FAF1: variants seen among roughly 807,000 people sequenced by gnomAD.
The protein encoded by FAF1 is FAS-associated factor 1.
A neutral mutation model predicts 92.5 loss-of-function variants in FAF1; 25 were observed. The observed-to-expected ratio is 0.27, with a 90% CI of 0.20 to 0.38. The LOEUF is 0.38. Among genes scored for constraint, FAF1 ranks in the 10% least tolerant of loss-of-function variants. The pLI is 1.00. For synonymous variants in FAF1, 234 were observed against 273.2 expected (o/e 0.86, Z 1.42); for missense variants, 636 against 793.3 (o/e 0.80, Z 2.38).
intron 1 of FAF1, among the ~76,000 whole-genome samples, chr1:50,873,865 C>T (rs768965186): frequency 7.2e-5 from 11 of 152,126 alleles, no homozygotes; most frequent in Non-Finnish European, 1.0e-4. Flanking sequence ...AAGAAACCTC[C>T]CAGGCTAAGC....
chr1:50,895,760 ACAT>A (rs1644752998), intron 1 of FAF1, among the ~76,000 whole-genome samples: 1 of 152,174 alleles, frequency 6.6e-6, no homozygotes, highest in Non-Finnish European at 1.5e-5. Context: ...TCTATGTGAC[ACAT>A]CATATCGACA....
At position 50,443,705 on chromosome 1, in the gene FAF1, T is replaced by C. The variant is rs148205917; in HGVS notation, c.1870-2182A>G. 8.8e-3 allele frequency among the ~76,000 whole-genome samples: 1,344 copies of C among 152,284 alleles called. 6 individuals carry two copies. The highest frequency in any genetic ancestry group is 0.014 in the Non-Finnish European group (923 of 68,020). On this transcript the variant is annotated intron_variant, in intron 18 of 18. Transcript: ENST00000396153. Reference sequence around the variant, plus strand: ...TCTCCTTCATAGGTTGTTGTGATTATAGTTAAATGGAATAATGTTGGTGCA... The same window carrying C: ...TCTCCTTCATAGGTTGTTGTGATTACAGTTAAATGGAATAATGTTGGTGCA...
At chr1:50,863,150 A>C (rs1212417084) in intron 1 of FAF1, among the ~76,000 whole-genome samples, 1 of 152,022 alleles carries the variant, frequency 6.6e-6, no homozygotes, top group Non-Finnish European at 1.5e-5. Context: ...GAAAATCAAA[A>C]TTATATCAAG....
intron 8 of FAF1, among the ~76,000 whole-genome samples, chr1:50,622,828 C>G (rs767992305): frequency 1.3e-5 from 2 of 152,088 alleles, no homozygotes; most frequent in Admixed American, 6.6e-5. Context: ...CTCTGGAGAA[C>G]GTTTGATAGT....
At chr1:50,722,534 G>A (rs189979004) in intron 6 of FAF1, among the ~76,000 whole-genome samples, 4 of 151,528 alleles carry the variant, frequency 2.6e-5, no homozygotes, top group African/African-American at 4.9e-5. Flanking sequence ...CTGTAGTCCC[G>A]GCTACTCGGG....
intron 7 of FAF1, among the ~76,000 whole-genome samples, chr1:50,698,107 C>A (rs553462988): frequency 9.7e-4 from 148 of 152,184 alleles, no homozygotes; most frequent in Admixed American, 1.8e-3. Flanking sequence ...TATTTATGAG[C>A]ACTTTATATT....
chr1:50,955,433 G>C (rs573428471), intron 1 of FAF1, among the ~76,000 whole-genome samples: 6 of 152,178 alleles, frequency 3.9e-5, no homozygotes, highest in South Asian at 2.1e-4. Context: ...TACTATGTAC[G>C]TGTAAAACTG....
chr1:50,828,496 C>T (rs1278209668), intron 2 of FAF1, among the ~76,000 whole-genome samples: 1 of 152,070 alleles, frequency 6.6e-6, no homozygotes, highest in Non-Finnish European at 1.5e-5. Context: ...TTTTCGATCT[C>T]CTGACCTCGT....
rs139541130 is a variant in FAF1 at position 50,583,397 on chromosome 1, A to C, written c.1031+255T>G. On this transcript the variant is annotated intron_variant, in intron 11 of 18. Coordinates refer to ENST00000396153, the MANE Select transcript of FAF1 (RefSeq NM_007051.3). This position sits in a 1 kb window ranked among gnomAD's most constrained non-coding sequence, Gnocchi z 4.2. Reference sequence around the variant, plus strand: ...TATATCCTAGTCCTTTGGGAATATAATAAAAATATTAAATTAGGATCCATT... The same window carrying C: ...TATATCCTAGTCCTTTGGGAATATACTAAAAATATTAAATTAGGATCCATT... Among the ~76,000 whole-genome samples the C allele has an allele frequency of 0.013, 1,985 of 152,110 alleles. 43 individuals carry two copies. The highest frequency in any genetic ancestry group is 0.044 in the African/African-American group (1,817 of 41,570).
At chr1:50,836,959 T>TC (rs970992687) in intron 2 of FAF1, among the ~76,000 whole-genome samples, 3 of 133,544 alleles carry the variant, frequency 2.2e-5, no homozygotes, top group African/African-American at 9.0e-5. Flanking sequence ...TTCTTTTTTT[T>TC]TTTTTTTTTT....
intron 2 of FAF1, among the ~76,000 whole-genome samples, chr1:50,806,155 C>A (rs1200757155): frequency 1.3e-5 from 2 of 151,894 alleles, no homozygotes; most frequent in Non-Finnish European, 2.9e-5. Flanking sequence ...TATAAAAATT[C>A]TGGAGACTTA....
At chr1:50,750,841 T>C (rs1027019982) in intron 4 of FAF1, among the ~76,000 whole-genome samples, 7 of 151,696 alleles carry the variant, frequency 4.6e-5, no homozygotes, top group African/African-American at 1.7e-4. Context: ...CAGGCTGGTC[T>C]CAAACTCCTG....
intron 4 of FAF1, among the ~76,000 whole-genome samples, chr1:50,756,427 G>A (rs1376693978): frequency 1.3e-5 from 2 of 148,586 alleles, no homozygotes; most frequent in African/African-American, 5.3e-5. Flanking sequence ...ATCGCTATCA[G>A]CATTTTGAGC....
intron 17 of FAF1, among the ~76,000 whole-genome samples, chr1:50,476,916 C>G (rs1408296407): frequency 6.6e-6 from 1 of 151,976 alleles, no homozygotes; most frequent in Non-Finnish European, 1.5e-5. Flanking sequence ...AGGTAATAAA[C>G]TTACACAAAT....
chr1:50,694,034 A>T (rs988493978), intron 7 of FAF1, among the ~76,000 whole-genome samples: 1 of 152,126 alleles, frequency 6.6e-6, no homozygotes, highest in Non-Finnish European at 1.5e-5. Context: ...CATATATATG[A>T]CATATACATG....
At chr1:50,669,682 AGTAATTGT>A (rs1655784189) in intron 7 of FAF1, among the ~76,000 whole-genome samples, 1 of 152,250 alleles carries the variant, frequency 6.6e-6, no homozygotes, top group Admixed American at 6.5e-5. Flanking sequence ...ATAAAGGATA[AGTAATTGT>A]GTATGTAATA....
intron 18 of FAF1, among the ~76,000 whole-genome samples, chr1:50,472,569 C>T (rs1015488272): frequency 2.9e-4 from 44 of 152,108 alleles, no homozygotes; most frequent in African/African-American, 1.0e-3. Flanking sequence ...TTAGACAGCT[C>T]GGAAATCTTA....
rs28576204 is a variant in FAF1 at position 50,828,179 on chromosome 1, G to T, written c.115-26502C>A. Among the ~76,000 whole-genome samples, 1,499 of 150,186 alleles carry T rather than the reference G, an allele frequency of 1.0e-2. 23 individuals are homozygous for T. The highest frequency in any genetic ancestry group is 0.035 in the African/African-American group (1,421 of 41,130). On this transcript the variant is annotated intron_variant, in intron 2 of 18. Coordinates refer to ENST00000396153, the MANE Select transcript of FAF1 (RefSeq NM_007051.3). ...CAAATATAAAAGACTAGAGAATTCA[G>T]AAACAGTCCCATACAGGTAGGAATA... is the stretch of plus-strand genomic sequence containing the variant.
intron 1 of FAF1, among the ~76,000 whole-genome samples, chr1:50,934,751 T>C (rs534973864): frequency 7.9e-5 from 12 of 152,358 alleles, no homozygotes; most frequent in Admixed American, 7.2e-4. Context: ...TGAAAAAATT[T>C]TAAAGTCTTC....
Sources: allele counts gnomAD v4.1 joint callset (sites outside exome capture counted in the v4.1 genomes callset), GRCh38; gene constraint gnomAD v4.1.1; non-coding constraint Gnocchi (gnomAD v3.1); transcripts MANE v1.5; gene names NCBI Gene and HGNC (gene_info 2026-07-23, HGNC 2026-07-21).